Variants in NFIB observed in about 807,000 individuals in gnomAD.
NFIB encodes nuclear factor I B, also known as nuclear factor 1 B-type.
A neutral mutation model predicts 61.5 loss-of-function variants in NFIB; 11 were observed. That is an observed-to-expected ratio of 0.18 (90% CI 0.11 to 0.30). The LOEUF is 0.30. Ranked by LOEUF, NFIB falls within the 10% of genes least tolerant of loss-of-function variation. The pLI, the probability that NFIB is intolerant of heterozygous loss-of-function variation, is 1.00. For missense variants in NFIB, 471 were observed against 608.9 expected (o/e 0.77, Z 2.38); for synonymous variants, 260 against 216.5 (o/e 1.20, Z -1.76).
the NFIB span, among the ~76,000 whole-genome samples, chr9:14,416,681 C>A: frequency 6.6e-6 from 1 of 151,828 alleles, no homozygotes. Context: ...TACAAGTAAG[C>A]TAAGACTAAT....
chr9:14,352,299 G>A (rs1262061442), intron 1 of NFIB, among the ~76,000 whole-genome samples: 1 of 151,560 alleles, frequency 6.6e-6, no homozygotes, highest in Non-Finnish European at 1.5e-5. Context: ...TATAATAGAT[G>A]TTATCATTAT....
the NFIB span, among the ~76,000 whole-genome samples, chr9:14,493,195 AT>A: frequency 6.6e-6 from 1 of 152,170 alleles, no homozygotes; most frequent in Admixed American, 6.6e-5. Context: ...CGTTAAGGCC[AT>A]ATTTGGCCTG....
chr9:14,226,350 C>G (rs1587749758), intron 2 of NFIB, among the ~76,000 whole-genome samples: 1 of 151,894 alleles, frequency 6.6e-6, no homozygotes, highest in Admixed American at 6.6e-5. Context: ...GACTTTGAGA[C>G]CAGCCTGGAA....
intron 1 of NFIB, among the ~76,000 whole-genome samples, chr9:14,348,015 G>T (rs571822375): frequency 6.6e-6 from 1 of 152,188 alleles, no homozygotes; most frequent in African/African-American, 2.4e-5. Context: ...ATCCGACAGA[G>T]CACCCAGGAC....
At chr9:14,097,872 T>C (rs1243012811) in intron 10 of NFIB, among the ~76,000 whole-genome samples, 4 of 145,792 alleles carry the variant, frequency 2.7e-5, no homozygotes, top group East Asian at 3.9e-4. Flanking sequence ...TTCTTTCTTT[T>C]TTCTTTTTTT....
intron 1 of NFIB, among the ~76,000 whole-genome samples, chr9:14,310,948 C>A (rs1033120062): frequency 5.9e-5 from 9 of 151,884 alleles, no homozygotes; most frequent in Admixed American, 5.9e-4. Flanking sequence ...TATATAACAA[C>A]AAATCATGCA....
intron 2 of NFIB, among the ~76,000 whole-genome samples, chr9:14,278,407 G>A (rs1473646139): frequency 2.0e-5 from 3 of 152,186 alleles, no homozygotes; most frequent in African/African-American, 4.8e-5. Context: ...TTCCTAACAA[G>A]ATACACATGT....
chr9:14,335,393 T>C (rs561586184), intron 1 of NFIB, among the ~76,000 whole-genome samples: 1 of 152,370 alleles, frequency 6.6e-6, no homozygotes, highest in South Asian at 2.1e-4. Context: ...CTAGTAAGTA[T>C]GTAGTGTATC....
At chr9:14,258,159 CT>C (rs1209853742) in intron 2 of NFIB, among the ~76,000 whole-genome samples, 6 of 152,170 alleles carry the variant, frequency 3.9e-5, no homozygotes, top group Admixed American at 3.3e-4. Context: ...CTTATCATCA[CT>C]GAGAACATTC....
intron 6 of NFIB, among the ~76,000 whole-genome samples, chr9:14,137,708 G>C (rs2041223694): frequency 6.6e-6 from 1 of 151,994 alleles, no homozygotes; most frequent in African/African-American, 2.4e-5. Flanking sequence ...GAAAACATAT[G>C]TATGATAATA....
chr9:14,528,381 A>T, the NFIB span, among the ~76,000 whole-genome samples: 1 of 152,180 alleles, frequency 6.6e-6, no homozygotes, highest in Admixed American at 6.5e-5. Context: ...ATTTTCTTTC[A>T]AGACAAATAA....
intron 1 of NFIB, among the ~76,000 whole-genome samples, chr9:14,322,780 A>AGCGTGGGTGGGT (rs1054866380): frequency 6.7e-6 from 1 of 149,798 alleles, no homozygotes. Flanking sequence ...GCCCCTCTCG[A>AGCGTGGGTGGGT]GCGTGGGTGG....
chr9:14,086,350 AAAAC>A lies in NFIB; in HGVS notation c.*1955_*1958del, dbSNP rs140046069. The A allele has an allele frequency of 0.035, 7,751 of 220,748 alleles. 168 individuals carry two copies. The highest frequency in any genetic ancestry group is 0.044 in the Non-Finnish European group (4,852 of 109,898). The allele number at this position is 220,748 out of a possible 1,614,324, so 13.7% of individuals were successfully genotyped here. On this transcript the variant is annotated 3_prime_UTR_variant, in exon 11 of 11. Coordinates refer to ENST00000380953, the MANE Select transcript of NFIB (RefSeq NM_001190737.2). The stretch of plus-strand genomic sequence containing the variant: ...ATAGCAGTACCCACTTTGGTCAATT[AAAAC>A]AAACAAACAAACAAAAAAGCATACA...
intron 2 of NFIB, among the ~76,000 whole-genome samples, chr9:14,211,978 T>C (rs1037246779): frequency 1.3e-5 from 2 of 152,252 alleles, no homozygotes; most frequent in African/African-American, 4.8e-5. Flanking sequence ...CTGGGTTTTA[T>C]TGGTAGCTGC....
At position 14,088,006 on chromosome 9, in the gene NFIB, C is replaced by G; in HGVS notation, c.*303G>C. 1 of 393,310 alleles carries G rather than the reference C, an allele frequency of 2.5e-6. No individual in the cohort carries two copies. The allele number at this position is 393,310 out of a possible 1,614,324, so 24.4% of individuals were successfully genotyped here. On this transcript the variant is annotated 3_prime_UTR_variant, in exon 11 of 11. Transcript: ENST00000380953. ...CTACCATCAGTGAAATATCATCGAC[C>G]CTTTTTATGTCATTACAGTTTCAAC...
At chr9:14,159,542 C>T (rs2043897012) in intron 3 of NFIB, among the ~76,000 whole-genome samples, 2 of 152,294 alleles carry the variant, frequency 1.3e-5, no homozygotes, top group South Asian at 4.1e-4. Flanking sequence ...CTGGGAGAAG[C>T]ACCGGAAGCA....
chr9:14,469,281 G>A, the NFIB span, among the ~76,000 whole-genome samples: 1 of 152,164 alleles, frequency 6.6e-6, no homozygotes, highest in African/African-American at 2.4e-5. Context: ...AACTTGAAAA[G>A]TTACTGTGAA....
chr9:14,179,710 C>T lies in NFIB; in HGVS notation c.616+17G>A, dbSNP rs2046550924. The T allele has an allele frequency of 6.2e-7, 1 of 1,613,224 alleles. No homozygotes were observed. The highest frequency in any genetic ancestry group is 1.7e-4 in the Middle Eastern group (1 of 6,060). ...CCAACAATGTCAGATTGCAAATGTC[C>T]TGGAACACATATTTACCTGGAGGAT... On this transcript the variant is annotated intron_variant, in intron 3 of 10. Coordinates refer to ENST00000380953, the MANE Select transcript of NFIB (RefSeq NM_001190737.2).
chr9:14,497,462 T>C, the NFIB span, among the ~76,000 whole-genome samples: 1 of 152,238 alleles, frequency 6.6e-6, no homozygotes, highest in Non-Finnish European at 1.5e-5. Flanking sequence ...TGGTTCATTT[T>C]GGGTCCTATA....
Sources: allele counts gnomAD v4.1 joint callset (sites outside exome capture counted in the v4.1 genomes callset), GRCh38; gene constraint gnomAD v4.1.1; transcripts MANE v1.5; gene names NCBI Gene and HGNC (gene_info 2026-07-23, HGNC 2026-07-21).